Variants in MYT1L observed in about 807,000 individuals in gnomAD.
The protein encoded by MYT1L is myelin transcription factor 1 like.
MYT1L carries 12 observed loss-of-function variants against 126.7 expected under a neutral mutation model. The ratio of observed to expected loss-of-function variants is 0.09; its 90% CI spans 0.06 to 0.15. MYT1L has a LOEUF of 0.15. Among genes scored for constraint, MYT1L ranks in the 10% least tolerant of loss-of-function variants. MYT1L has a pLI of 1.00. For missense variants in MYT1L, 979 were observed against 1,585.2 expected, an observed-to-expected ratio of 0.62 and a Z score of 6.49; for synonymous variants, 541 against 604.2, an observed-to-expected ratio of 0.90 and a Z score of 1.53.
chr2:1,842,945 G>GCGCTTCCGCTTCCAGA (rs2041990823), intron 19 of MYT1L: 8 of 169,700 alleles, frequency 4.7e-5, no homozygotes, highest in South Asian at 4.0e-4. Flanking sequence ...CCGCTTCCAG[G>GCGCTTCCGCTTCCAGA]CGCTTCCGCT....
chr2:2,122,872 T>TGTGTGTGTGAGAGAGA (rs553951630), intron 3 of MYT1L, among the ~76,000 whole-genome samples: 9 of 132,992 alleles, frequency 6.8e-5, no homozygotes, highest in African/African-American at 2.7e-4. Context: ...TGTGTGTGTG[T>TGTGTGTGTGAGAGAGA]GAGAGAGAGA....
In MYT1L at chr2:1,886,592, G is replaced by T; in HGVS notation, c.2658C>A (p.Pro886=). 1 of 1,581,756 alleles carries T rather than the reference G, an allele frequency of 6.3e-7. No homozygotes were observed. Among genetic ancestry groups the T allele is most frequent in the South Asian group, 1.2e-5 (1 of 85,694 alleles). Residue 886 remains proline, a synonymous_variant, in exon 18 of 25, where the codon CCC becomes CCA. Transcript: ENST00000647738. ...TACTTCGAATGCTTTTGTCCGCCAGGGGGCAGCCAGACAGACTGTAAGACA... is the reference window on the plus strand; with the variant it reads ...TACTTCGAATGCTTTTGTCCGCCAGTGGGCAGCCAGACAGACTGTAAGACA... ...KKDLITLSGC[P]LADKSIRSML...
intron 15 of MYT1L, among the ~76,000 whole-genome samples, chr2:1,890,838 C>T (rs1038966275): frequency 1.4e-4 from 22 of 152,136 alleles, no homozygotes; most frequent in Admixed American, 8.5e-4. Context: ...GGAGCTGTTA[C>T]CTTGATAAAT....
chr2:2,054,772 A>C (rs767514800), intron 3 of MYT1L, among the ~76,000 whole-genome samples: 41 of 152,018 alleles, frequency 2.7e-4, no homozygotes, highest in Non-Finnish European at 3.8e-4. Flanking sequence ...CATGGAAATG[A>C]GATGCATGAA....
intron 2 of MYT1L, among the ~76,000 whole-genome samples, chr2:2,274,945 C>A (rs947667506): frequency 6.6e-6 from 1 of 152,072 alleles, no homozygotes; most frequent in Non-Finnish European, 1.5e-5. Flanking sequence ...ACGTATTGAT[C>A]CCTATGTAGT....
intron 14 of MYT1L, among the ~76,000 whole-genome samples, chr2:1,894,258 T>C (rs78342197): frequency 0.054 from 8,201 of 152,214 alleles, 643 homozygotes; most frequent in African/African-American, 0.18. Context: ...AGCCCAGCAG[T>C]GCAGGGCGGG....
chr2:2,065,967 G>C (rs866048799), intron 3 of MYT1L, among the ~76,000 whole-genome samples: 42 of 151,856 alleles, frequency 2.8e-4, no homozygotes, highest in African/African-American at 9.4e-4. Context: ...TTCTAGGAAT[G>C]ATTTATCCTT....
intron 3 of MYT1L, among the ~76,000 whole-genome samples, chr2:2,062,794 G>A: frequency 6.6e-6 from 1 of 151,612 alleles, no homozygotes; most frequent in Admixed American, 6.5e-5. Context: ...CTTTCCCCTA[G>A]ACCCTCATGC....
At chr2:1,833,057 G>C (rs1361327552) in intron 21 of MYT1L, among the ~76,000 whole-genome samples, 5 of 152,238 alleles carry the variant, frequency 3.3e-5, no homozygotes, top group African/African-American at 7.2e-5. Flanking sequence ...GGCTTAGGGG[G>C]AGGGTGAGCT....
intron 3 of MYT1L, among the ~76,000 whole-genome samples, chr2:2,169,736 T>G (rs2089728462): frequency 6.6e-6 from 1 of 152,194 alleles, no homozygotes; most frequent in Admixed American, 6.5e-5. Context: ...GGCCTGGTCC[T>G]GTCAAGTGGT....
At chr2:1,807,305 C>T (rs1419628114) in intron 22 of MYT1L, among the ~76,000 whole-genome samples, 2 of 152,250 alleles carry the variant, frequency 1.3e-5, no homozygotes, top group Non-Finnish European at 2.9e-5. Context: ...GTCTCTCATG[C>T]TGTCCTCAGG....
intron 4 of MYT1L, among the ~76,000 whole-genome samples, chr2:2,037,686 G>T (rs1287649907): frequency 6.6e-6 from 1 of 151,688 alleles, no homozygotes. Context: ...AGCCCGGGAG[G>T]TGGAGGTTGC....
At chr2:2,151,037 G>C (rs1400952085) in intron 3 of MYT1L, among the ~76,000 whole-genome samples, 1 of 152,136 alleles carries the variant, frequency 6.6e-6, no homozygotes, top group Non-Finnish European at 1.5e-5. Flanking sequence ...AGAAGAAAAT[G>C]CTATACTAAG....
chr2:1,892,489 TTCTTTTTTCC>T lies in MYT1L; in HGVS notation c.2033-212_2033-203del, dbSNP rs1460024389. On this transcript the variant is annotated intron_variant, in intron 14 of 24. Coordinates refer to ENST00000647738, the MANE Select transcript of MYT1L (RefSeq NM_001303052.2). ...AACTTTCCGGCTCCTTTCTTTTTTC[TTCTTTTTTCC>T]TTTTTCCTTTTTTTTTTTTTTTTTG... is the stretch of plus-strand genomic sequence containing the variant. 4.0e-5 allele frequency among the ~76,000 whole-genome samples: 6 copies of T among 151,252 alleles called. No homozygotes were observed. The East Asian group carries it at 9.7e-4, about 25-fold the overall frequency.
At chr2:2,230,680 A>C (rs971923682) in intron 2 of MYT1L, among the ~76,000 whole-genome samples, 1 of 152,134 alleles carries the variant, frequency 6.6e-6, no homozygotes, top group African/African-American at 2.4e-5. Flanking sequence ...AGCGGGCTCC[A>C]CCGGCACCAA....
At chr2:1,797,410 C>T (rs907644369) in intron 23 of MYT1L, among the ~76,000 whole-genome samples, 21 of 152,138 alleles carry the variant, frequency 1.4e-4, no homozygotes, top group South Asian at 2.1e-4. Context: ...TTAGTAGAGA[C>T]GGGGTTTCAC....
At chr2:1,963,166 C>T (rs886585256) in intron 8 of MYT1L, among the ~76,000 whole-genome samples, 4 of 152,216 alleles carry the variant, frequency 2.6e-5, no homozygotes, top group Admixed American at 6.5e-5. Flanking sequence ...CATTCACCTC[C>T]TTGTGCATCT....
At chr2:2,111,022 C>T (rs747506054) in intron 3 of MYT1L, among the ~76,000 whole-genome samples, 24 of 152,164 alleles carry the variant, frequency 1.6e-4, no homozygotes, top group African/African-American at 3.1e-4. Flanking sequence ...GGGAGGAACG[C>T]GGCCCTGGAG....
chr2:2,180,693 C>A (rs1446311462), intron 2 of MYT1L, among the ~76,000 whole-genome samples: 1 of 134,388 alleles, frequency 7.4e-6, no homozygotes, highest in Non-Finnish European at 1.6e-5. Flanking sequence ...TTTGTATGTA[C>A]CTGTATGTGC....
Sources: gnomAD v4.1 joint callset for allele counts (sites outside exome capture counted in the v4.1 genomes callset) on GRCh38, gnomAD v4.1.1 for gene constraint, MANE v1.5 for transcripts, NCBI Gene and HGNC (gene_info 2026-07-23, HGNC 2026-07-21) for gene names.